LINGO2: variants seen among roughly 807,000 people sequenced by gnomAD.
LINGO2 encodes leucine-rich repeat and immunoglobulin-like domain-containing nogo receptor-interacting protein 2.
LINGO2 carries 14 observed loss-of-function variants against 30.6 expected under a neutral mutation model. That is an observed-to-expected ratio of 0.46 (90% CI 0.30 to 0.72). The LOEUF (loss-of-function observed/expected upper bound fraction) is 0.72, where lower values mean the gene tolerates loss of function less well. LINGO2 is among the 30% of genes least tolerant of loss of function. The pLI is 0.07. For synonymous variants in LINGO2, 317 were observed against 288.5 expected (o/e 1.10, Z -1.00); for missense variants, 729 against 751.7 (o/e 0.97, Z 0.35).
intron 3 of LINGO2, among the ~76,000 whole-genome samples, chr9:28,308,907 G>C (rs1370691934): frequency 2.6e-5 from 4 of 152,158 alleles, no homozygotes; most frequent in African/African-American, 9.7e-5. Flanking sequence ...AGTTAGAATG[G>C]CATTCATTAA....
At chr9:28,388,056 C>G (rs1821667765) in intron 2 of LINGO2, among the ~76,000 whole-genome samples, 1 of 152,160 alleles carries the variant, frequency 6.6e-6, no homozygotes, top group African/African-American at 2.4e-5. Flanking sequence ...ATTACTCCTA[C>G]CCACCAAAGG....
the LINGO2 span, among the ~76,000 whole-genome samples, chr9:28,753,055 T>C: frequency 6.6e-6 from 1 of 152,030 alleles, no homozygotes; most frequent in African/African-American, 2.4e-5. Flanking sequence ...TTTTGATTTT[T>C]TTATGGTATT....
At chr9:28,878,566 G>C in the LINGO2 span, among the ~76,000 whole-genome samples, 2 of 152,164 alleles carry the variant, frequency 1.3e-5, no homozygotes, top group Non-Finnish European at 2.9e-5. Context: ...TATCCTTGAT[G>C]ATCATTGATG....
chr9:28,219,400 C>T (rs1379871840), intron 4 of LINGO2, among the ~76,000 whole-genome samples: 2 of 152,046 alleles, frequency 1.3e-5, no homozygotes, highest in Non-Finnish European at 1.5e-5. Context: ...TGCCTTATTC[C>T]TTATTTTAGA....
In LINGO2 at chr9:28,266,935, C is replaced by G. The variant is rs964563505; in HGVS notation, c.-87+28273G>C. On this transcript the variant is annotated intron_variant, in intron 4 of 5. Coordinates refer to ENST00000379992, the Ensembl canonical transcript of LINGO2. The stretch of plus-strand genomic sequence containing the variant: ...TGAACATAATACACTAGCTGTGCCC[C>G]GCTGTACATCTATCTTGGGCAAACC... 5.3e-5 allele frequency among the ~76,000 whole-genome samples: 8 copies of G among 151,880 alleles called. No homozygotes were observed. In the East Asian group the frequency reaches 1.6e-3, roughly 30 times the overall value.
At chr9:28,403,697 C>T (rs150627073) in intron 2 of LINGO2, among the ~76,000 whole-genome samples, 64 of 151,018 alleles carry the variant, frequency 4.2e-4, no homozygotes, top group Admixed American at 3.7e-3. Context: ...TTTTCCTGGA[C>T]GCCCAGAATA....
chr9:28,026,480 C>T (rs1037290344), intron 4 of LINGO2, among the ~76,000 whole-genome samples: 1 of 152,136 alleles, frequency 6.6e-6, no homozygotes, highest in Non-Finnish European at 1.5e-5. Context: ...ATTTCTAAGG[C>T]GTTCTGGGAT....
At chr9:27,986,541 A>G (rs1304667476) in intron 5 of LINGO2, among the ~76,000 whole-genome samples, 1 of 151,724 alleles carries the variant, frequency 6.6e-6, no homozygotes, top group African/African-American at 2.4e-5. Context: ...TCATTCAACA[A>G]TATTTCCTAA....
At chr9:28,666,143 C>T (rs771948992) in intron 1 of LINGO2, among the ~76,000 whole-genome samples, 11 of 152,022 alleles carry the variant, frequency 7.2e-5, no homozygotes, top group Admixed American at 2.0e-4. Context: ...CGACCCTCCT[C>T]GGCCTCCCAA....
chr9:28,643,783 C>G (rs1199749067), intron 1 of LINGO2, among the ~76,000 whole-genome samples: 1 of 151,798 alleles, frequency 6.6e-6, no homozygotes, highest in East Asian at 1.9e-4. Flanking sequence ...GCGAACTACC[C>G]ATCTGACAAG....
At chr9:28,769,210 C>A in the LINGO2 span, among the ~76,000 whole-genome samples, 32 of 151,218 alleles carry the variant, frequency 2.1e-4, no homozygotes, top group African/African-American at 7.0e-4. Flanking sequence ...AATCTTAATT[C>A]TATAGGCAAG....
chr9:28,539,789 T>A (rs887652945), intron 1 of LINGO2, among the ~76,000 whole-genome samples: 9 of 152,192 alleles, frequency 5.9e-5, no homozygotes, highest in Admixed American at 3.9e-4. Flanking sequence ...TTCAGTGTGA[T>A]CATGTTGCTG....
rs565775241 is a variant in LINGO2, at chr9:28,519,273, T to A, written c.-364-43248A>T. Among the ~76,000 whole-genome samples, 50 of 152,144 alleles carry A rather than the reference T, an allele frequency of 3.3e-4. No homozygotes were observed. In the South Asian group the frequency reaches 1.0e-2, roughly 30 times the overall value. On this transcript the variant is annotated intron_variant, in intron 1 of 5. Coordinates refer to ENST00000379992, the Ensembl canonical transcript of LINGO2. ...TTGGTCTCAAACTCCTGGGCTCAAG[T>A]GATCCCCGGCCTCTGACTCCCAAAG...
chr9:28,535,340 CATGAATT>C (rs1175352426), intron 1 of LINGO2, among the ~76,000 whole-genome samples: 1 of 151,944 alleles, frequency 6.6e-6, no homozygotes, highest in African/African-American at 2.4e-5. Flanking sequence ...TTGCAGGGAT[CATGAATT>C]ATATTAGTAT....
chr9:28,448,543 GACA>G (rs1824519494), intron 2 of LINGO2, among the ~76,000 whole-genome samples: 1 of 152,022 alleles, frequency 6.6e-6, no homozygotes, highest in Non-Finnish European at 1.5e-5. Flanking sequence ...GCAGGGGAGG[GACA>G]ACAAGTTCTT....
intron 1 of LINGO2, among the ~76,000 whole-genome samples, chr9:28,550,805 C>T (rs889132122): frequency 2.0e-5 from 3 of 151,672 alleles, no homozygotes; most frequent in Non-Finnish European, 4.4e-5. Flanking sequence ...TTATAAAATT[C>T]TTGGTTAAGA....
At chr9:28,817,806 A>G in the LINGO2 span, among the ~76,000 whole-genome samples, 3 of 152,214 alleles carry the variant, frequency 2.0e-5, no homozygotes, top group African/African-American at 7.2e-5. Flanking sequence ...GCCAGACATA[A>G]TGAGTAAGGA....
intron 4 of LINGO2, among the ~76,000 whole-genome samples, chr9:28,026,926 C>CTG (rs1275098504): frequency 6.6e-6 from 1 of 152,112 alleles, no homozygotes; most frequent in East Asian, 1.9e-4. Flanking sequence ...CCTAGATCTC[C>CTG]TGTGTGTGTT....
chr9:28,556,237 C>G (rs1008119522), intron 1 of LINGO2, among the ~76,000 whole-genome samples: 5 of 152,016 alleles, frequency 3.3e-5, no homozygotes, highest in Non-Finnish European at 7.4e-5. Context: ...GATTGTATAT[C>G]TAGAAAACCC....
Sources: gnomAD v4.1 joint callset for allele counts (sites outside exome capture counted in the v4.1 genomes callset) on GRCh38, gnomAD v4.1.1 for gene constraint, MANE v1.5 for transcripts, NCBI Gene and HGNC (gene_info 2026-07-23, HGNC 2026-07-21) for gene names.